RHOBTB1: variants seen among roughly 807,000 people sequenced by gnomAD.
The protein encoded by RHOBTB1 is Rho related BTB domain containing 1.
RHOBTB1 carries 40 observed loss-of-function variants against 71.6 expected under a neutral mutation model. The observed-to-expected ratio is 0.56, with a 90% confidence interval of 0.43 to 0.73. RHOBTB1 has a LOEUF of 0.73. Among genes scored for constraint, RHOBTB1 ranks in the 30% least tolerant of loss-of-function variants. The pLI, the probability that RHOBTB1 is intolerant of heterozygous loss-of-function variation, is 0.00. For missense variants in RHOBTB1, 797 were observed against 894.0 expected (o/e 0.89, Z 1.38); for synonymous variants, 319 against 334.9 (o/e 0.95, Z 0.52).
intron 2 of RHOBTB1, among the ~76,000 whole-genome samples, chr10:60,965,478 C>T (rs1408324245): frequency 6.6e-6 from 1 of 152,026 alleles, no homozygotes; most frequent in African/African-American, 2.4e-5. Flanking sequence ...TATCATGATT[C>T]TTCCCTATTT....
downstream of RHOBTB1, among the ~76,000 whole-genome samples, chr10:60,865,612 C>T (rs2080632913): frequency 6.6e-6 from 1 of 152,196 alleles, no homozygotes; most frequent in African/African-American, 2.4e-5. Context: ...AGGGAAGCCT[C>T]TTGAAGCCTC....
chr10:60,921,553 T>C (rs2083563927), intron 2 of RHOBTB1, among the ~76,000 whole-genome samples: 2 of 152,242 alleles, frequency 1.3e-5, no homozygotes, highest in African/African-American at 2.4e-5. Flanking sequence ...TCCACCCCAC[T>C]GAGATTATAA....
At chr10:60,926,544 A>C (rs2083895533) in intron 2 of RHOBTB1, among the ~76,000 whole-genome samples, 1 of 152,238 alleles carries the variant, frequency 6.6e-6, no homozygotes, top group Non-Finnish European at 1.5e-5. Context: ...GATCAAGTGA[A>C]ATTCATCCCA....
the RHOBTB1 span, among the ~76,000 whole-genome samples, chr10:60,861,627 G>A: frequency 6.6e-6 from 1 of 151,282 alleles, no homozygotes; most frequent in African/African-American, 2.4e-5. Context: ...TTCTCCTTTG[G>A]AACATGCCTA....
chr10:60,996,768 C>T (rs982487558), intron 1 of RHOBTB1, among the ~76,000 whole-genome samples: 12 of 152,068 alleles, frequency 7.9e-5, no homozygotes, highest in African/African-American at 2.7e-4. Context: ...AAATATTATA[C>T]GGGAGACACA....
intron 5 of RHOBTB1, among the ~76,000 whole-genome samples, chr10:60,891,334 C>CTTTTTTTTTTTTTT (rs756153141): frequency 1.4e-5 from 1 of 71,320 alleles, no homozygotes; most frequent in African/African-American, 6.0e-5. Context: ...TTGCTGTTTG[C>CTTTTTTTTTTTTTT]TTTTTTTTTT....
Position 60,969,245 on chromosome 10 carries a change from C to G in RHOBTB1, c.-62+16600G>C, listed in dbSNP as rs60679581. On this transcript the variant is annotated intron_variant, in intron 2 of 11. Transcript: ENST00000357917. The stretch of plus-strand genomic sequence containing the variant: ...AACCCAACTGTGCAGATACAGGGTG[C>G]GGCACATATGACTTGGCTTAGATAT... 4.2e-3 allele frequency among the ~76,000 whole-genome samples: 645 copies of G among 152,132 alleles called. 1 individual carries two copies. Among genetic ancestry groups the G allele is most frequent in the Non-Finnish European group, 7.1e-3 (482 of 67,984 alleles).
At chr10:60,959,153 AAC>A (rs2085696267) in intron 2 of RHOBTB1, among the ~76,000 whole-genome samples, 1 of 152,182 alleles carries the variant, frequency 6.6e-6, no homozygotes, top group South Asian at 2.1e-4. Flanking sequence ...GGTAAAATGT[AAC>A]ACCCATCTGT....
At chr10:60,915,444 G>GA (rs1036485033) in intron 2 of RHOBTB1, among the ~76,000 whole-genome samples, 14 of 146,220 alleles carry the variant, frequency 9.6e-5, no homozygotes, top group African/African-American at 2.8e-4. Context: ...AAGGTAGAAA[G>GA]AAAAAAAAAA....
chr10:60,957,136 C>T (rs2085622685), intron 2 of RHOBTB1, among the ~76,000 whole-genome samples: 1 of 152,166 alleles, frequency 6.6e-6, no homozygotes, highest in African/African-American at 2.4e-5. Context: ...GAAAGACCAG[C>T]CTAAGGCTGT....
chr10:60,862,512 C>T, the RHOBTB1 span, among the ~76,000 whole-genome samples: 27,085 of 151,050 alleles, frequency 0.18, 2,708 homozygotes, highest in African/African-American at 0.27. Context: ...AGAAAGAATA[C>T]GCTGTCTCTC....
intron 2 of RHOBTB1, among the ~76,000 whole-genome samples, chr10:60,965,737 T>C (rs1410564598): frequency 1.3e-5 from 2 of 152,082 alleles, no homozygotes; most frequent in African/African-American, 4.8e-5. Context: ...CTATCCGTAG[T>C]TGGGGAATAA....
intron 7 of RHOBTB1, among the ~76,000 whole-genome samples, chr10:60,885,756 T>A (rs113489177): frequency 0.041 from 6,255 of 152,200 alleles, 423 homozygotes; most frequent in African/African-American, 0.14. Flanking sequence ...TTGTACTTGG[T>A]TTTGATAGTA....
rs1390462698 is a variant in RHOBTB1, at chr10:60,877,945, T to C, written c.1689A>G (p.Ala563=). 1 of 1,614,080 alleles carries C rather than the reference T, an allele frequency of 6.2e-7. No individual in the cohort carries two copies. The change falls in exon 8 of 11, where the codon GCA becomes GCG. Residue 563 remains alanine, a synonymous_variant. Transcript: ENST00000337910. ...CCAAGTGTGGCAGGCAAAATCTGTT[T>C]GCCAAGGCAATTAATTCCAGCGGGT... ...DLDPLELIAL[A]NRFCLPHLVA... is the part of the protein sequence containing the mutation.
intron 2 of RHOBTB1, among the ~76,000 whole-genome samples, chr10:60,922,974 C>T (rs1175150235): frequency 7.9e-5 from 12 of 152,144 alleles, no homozygotes; most frequent in Non-Finnish European, 1.5e-5. Flanking sequence ...CTTAATTCAC[C>T]CTCAAAGGTT....
intron 2 of RHOBTB1, among the ~76,000 whole-genome samples, chr10:60,923,197 T>G (rs542755251): frequency 6.6e-6 from 1 of 152,286 alleles, no homozygotes; most frequent in Non-Finnish European, 1.5e-5. Context: ...ATTAAAAACC[T>G]TGAAGCATAG....
intron 2 of RHOBTB1, among the ~76,000 whole-genome samples, chr10:60,980,216 A>G (rs2086451078): frequency 6.6e-6 from 1 of 152,240 alleles, no homozygotes; most frequent in African/African-American, 2.4e-5. Context: ...GACATTAATG[A>G]TAGGTGATAG....
intron 4 of RHOBTB1, among the ~76,000 whole-genome samples, chr10:60,899,826 A>AG (rs2082329051): frequency 6.6e-6 from 1 of 152,228 alleles, no homozygotes; most frequent in Non-Finnish European, 1.5e-5. Flanking sequence ...AAAAATAGGT[A>AG]GTGCTAAGTG....
chr10:60,918,569 C>G (rs1357394677), intron 2 of RHOBTB1, among the ~76,000 whole-genome samples: 1 of 152,136 alleles, frequency 6.6e-6, no homozygotes, highest in African/African-American at 2.4e-5. Flanking sequence ...GCGTGCAAGA[C>G]TCCTCTAACA....
Sources: allele counts gnomAD v4.1 joint callset (sites outside exome capture counted in the v4.1 genomes callset), GRCh38; gene constraint gnomAD v4.1.1; transcripts MANE v1.5; gene names NCBI Gene and HGNC (gene_info 2026-07-23, HGNC 2026-07-21).